Variants in TINAG observed in about 807,000 individuals in gnomAD.
TINAG encodes tubulointerstitial nephritis antigen.
In TINAG, 83 loss-of-function variants were observed where a neutral mutation model predicts 72.7. That is an observed-to-expected ratio of 1.14 (90% CI 0.96 to 1.37). The LOEUF (loss-of-function observed/expected upper bound fraction) is 1.37. Among genes scored for constraint, TINAG ranks in the 40% most tolerant of loss-of-function variants. TINAG has a pLI of 0.00. For missense variants in TINAG, 685 were observed against 576.6 expected, an observed-to-expected ratio of 1.19 and a Z score of -1.93; for synonymous variants, 234 against 189.9, an observed-to-expected ratio of 1.23 and a Z score of -1.91.
chr6:54,382,382 G>T (rs535526676), intron 10 of TINAG, among the ~76,000 whole-genome samples: 14 of 152,114 alleles, frequency 9.2e-5, no homozygotes, highest in African/African-American at 3.4e-4. Context: ...GGTACATAGT[G>T]AGAATATAAA....
intron 10 of TINAG, among the ~76,000 whole-genome samples, chr6:54,380,918 T>C (rs999232447): frequency 1.3e-5 from 2 of 149,604 alleles, no homozygotes; most frequent in African/African-American, 4.9e-5. Flanking sequence ...GATGCTTTTG[T>C]TATGTTAGTA....
intron 1 of TINAG, among the ~76,000 whole-genome samples, chr6:54,319,060 C>T (rs1784433934): frequency 6.6e-6 from 1 of 152,044 alleles, no homozygotes; most frequent in Non-Finnish European, 1.5e-5. Flanking sequence ...AGCTAATACT[C>T]AGCTGAGTAT....
At chr6:54,363,171 A>G (rs1027779381) in intron 9 of TINAG, among the ~76,000 whole-genome samples, 2 of 151,614 alleles carry the variant, frequency 1.3e-5, no homozygotes, top group African/African-American at 4.8e-5. Context: ...TTGCTGAATC[A>G]CAAATGGCAG....
Position 54,347,472 on chromosome 6 carries a change from A to C in TINAG, c.854A>C (p.Asn285Thr), listed in dbSNP as rs776658325. 6.2e-7 allele frequency: 1 copy of C among 1,613,228 alleles called. No homozygotes were observed. Among genetic ancestry groups the C allele is most frequent in the Admixed American group, 1.7e-5 (1 of 59,914 alleles). ...TGTGCCAAGAACCGTCATGGATGCA[A>C]TAGTGGAAGCATCGATAGGGCTTGG... Reference protein sequence around the residue: ...SCCAKNRHGCNSGSIDRAWWY... With the variant: ...SCCAKNRHGCTSGSIDRAWWY... Residue 285 changes from asparagine (N) to threonine (T), a missense_variant, in exon 6 of 11, where the codon AAT (asparagine) becomes ACT (threonine). Coordinates refer to ENST00000259782, the MANE Select transcript of TINAG (RefSeq NM_014464.4).
intron 4 of TINAG, among the ~76,000 whole-genome samples, chr6:54,337,058 A>G (rs1212851987): frequency 6.6e-6 from 1 of 152,002 alleles, no homozygotes; most frequent in Non-Finnish European, 1.5e-5. Flanking sequence ...TTTTGAGGTG[A>G]GAAATGGAAA....
chr6:54,317,209 C>T (rs1286798981), intron 1 of TINAG, among the ~76,000 whole-genome samples: 2 of 151,980 alleles, frequency 1.3e-5, no homozygotes, highest in Admixed American at 6.6e-5. Flanking sequence ...CTTTTCAATA[C>T]CTCCATCTCT....
At chr6:54,378,739 C>T (rs1763858597) in intron 9 of TINAG, among the ~76,000 whole-genome samples, 1 of 152,094 alleles carries the variant, frequency 6.6e-6, no homozygotes, top group African/African-American at 2.4e-5. Flanking sequence ...TCTATTTCTT[C>T]TTCTTTCCAT....
At chr6:54,348,370 T>A (rs550985413) in intron 6 of TINAG, among the ~76,000 whole-genome samples, 2 of 152,250 alleles carry the variant, frequency 1.3e-5, no homozygotes, top group Non-Finnish European at 2.9e-5. Flanking sequence ...TGATAAAAAA[T>A]AACAGCCCTT....
chr6:54,338,286 T>C (rs530133390), intron 4 of TINAG, among the ~76,000 whole-genome samples: 4 of 152,116 alleles, frequency 2.6e-5, no homozygotes, highest in African/African-American at 9.7e-5. Context: ...ATGTAAAAAT[T>C]TATTATTTTC....
At chr6:54,389,716 T>A in intron 10 of TINAG, 75 bp from the exon 11 acceptor site, 1 of 1,509,588 alleles carries the variant, frequency 6.6e-7, no homozygotes, top group Non-Finnish European at 8.8e-7. Flanking sequence ...AAGTTACAAA[T>A]GAGTTCTCCA....
At chr6:54,363,620 A>C (rs1763311939) in intron 9 of TINAG, among the ~76,000 whole-genome samples, 1 of 53,472 alleles carries the variant, frequency 1.9e-5, no homozygotes, top group Admixed American at 1.5e-4. Context: ...AACGGGTATC[A>C]AAAAAAAAAA....
chr6:54,385,094 T>A (rs1454438453), intron 10 of TINAG, among the ~76,000 whole-genome samples: 1 of 151,810 alleles, frequency 6.6e-6, no homozygotes, highest in Non-Finnish European at 1.5e-5. Context: ...TTTAAAAGGT[T>A]GAAAAGAATA....
chr6:54,380,432 C>A, intron 9 of TINAG, 94 bp from the exon 10 acceptor site: 1 of 1,050,232 alleles, frequency 9.5e-7, no homozygotes, highest in Non-Finnish European at 1.4e-6. Flanking sequence ...AGAGAAAGCA[C>A]AAAAGATGTA....
intron 10 of TINAG, among the ~76,000 whole-genome samples, chr6:54,385,076 C>T (rs1407493645): frequency 6.6e-6 from 1 of 151,760 alleles, no homozygotes; most frequent in Non-Finnish European, 1.5e-5. Context: ...AAAATTGATT[C>T]ATGTATTTTT....
chr6:54,309,111 G>T (rs375163491), intron 1 of TINAG, among the ~76,000 whole-genome samples: 3 of 152,254 alleles, frequency 2.0e-5, no homozygotes, highest in African/African-American at 7.2e-5. Context: ...CTTCAGGAAA[G>T]TTCTGATCTG....
At position 54,375,164 on chromosome 6, in the gene TINAG, T is replaced by C. The variant is rs548338723; in HGVS notation, c.1251-5362T>C. ...TGGTTGTGAGACTGGCTTTAAGGAA[T>C]CCAATCCCTAAGCAAATGTGTTCTT... On this transcript the variant is annotated intron_variant, in intron 9 of 10. Transcript: ENST00000259782. Among the ~76,000 whole-genome samples the C allele has an allele frequency of 6.6e-5, 10 of 152,284 alleles. No homozygotes were observed. The East Asian group carries it at 1.9e-3, about 29-fold the overall frequency.
chr6:54,381,292 T>C (rs1763942041), intron 10 of TINAG, among the ~76,000 whole-genome samples: 1 of 151,800 alleles, frequency 6.6e-6, no homozygotes, highest in Non-Finnish European at 1.5e-5. Flanking sequence ...GATTGGAACA[T>C]ATTACCTCAA....
At chr6:54,309,509 A>G (rs997016129) in intron 1 of TINAG, among the ~76,000 whole-genome samples, 13 of 152,188 alleles carry the variant, frequency 8.5e-5, no homozygotes, top group Admixed American at 3.9e-4. Context: ...CAATTATTAA[A>G]AAGAAAGGAA....
At chr6:54,349,602 C>A in intron 6 of TINAG, 114 bp from the exon 7 acceptor site, 2 of 943,728 alleles carry the variant, frequency 2.1e-6, no homozygotes, top group Non-Finnish European at 1.5e-6. Flanking sequence ...GAAAATTATG[C>A]ATGTAAGTAA....
Sources: gnomAD v4.1 joint callset for allele counts (sites outside exome capture counted in the v4.1 genomes callset) on GRCh38, gnomAD v4.1.1 for gene constraint, MANE v1.5 for transcripts, NCBI Gene and HGNC (gene_info 2026-07-23, HGNC 2026-07-21) for gene names.